C8orf34: variants seen among roughly 807,000 people sequenced by gnomAD.
C8orf34 encodes chromosome 8 open reading frame 34, also known as uncharacterized protein C8orf34.
Under a neutral mutation model 68.3 loss-of-function variants are expected in C8orf34, and 65 were observed. That is an observed-to-expected ratio of 0.95 (90% CI 0.78 to 1.17). The LOEUF (loss-of-function observed/expected upper bound fraction) is 1.17. C8orf34 is among the 50% of genes most tolerant of loss of function. The pLI is 0.00. For synonymous variants in C8orf34, 244 were observed against 241.2 expected (o/e 1.01, Z -0.11); for missense variants, 664 against 655.4 (o/e 1.01, Z -0.14).
chr8:68,792,725 T>G (rs1824046542), intron 12 of C8orf34, among the ~76,000 whole-genome samples: 1 of 151,672 alleles, frequency 6.6e-6, no homozygotes, highest in South Asian at 2.1e-4. Flanking sequence ...TTACTGAAAT[T>G]AAAAACTTAA....
intron 1 of C8orf34, among the ~76,000 whole-genome samples, chr8:68,382,271 C>CAT (rs1808075590): frequency 1.3e-5 from 2 of 152,152 alleles, no homozygotes; most frequent in South Asian, 4.1e-4. Context: ...AGACATTTCA[C>CAT]ATATATTGCC....
At chr8:68,765,523 T>A (rs890712243) in intron 10 of C8orf34, among the ~76,000 whole-genome samples, 9 of 152,366 alleles carry the variant, frequency 5.9e-5, no homozygotes, top group Admixed American at 5.9e-4. Context: ...CCAGAGTTAG[T>A]AATCATAATA....
chr8:68,551,791 C>T (rs73268444), intron 7 of C8orf34, among the ~76,000 whole-genome samples: 30,704 of 151,968 alleles, frequency 0.2, 4,122 homozygotes, highest in African/African-American at 0.38. Flanking sequence ...TCTGCCCCAC[C>T]TTAGCTAAGT....
At chr8:68,627,173 A>G (rs16934793) in intron 7 of C8orf34, among the ~76,000 whole-genome samples, 2,758 of 152,154 alleles carry the variant, frequency 0.018, 81 homozygotes, top group African/African-American at 0.064. Context: ...CCTAGGTACC[A>G]TCCTTGCCTT....
intron 9 of C8orf34, among the ~76,000 whole-genome samples, chr8:68,709,380 C>T (rs1052171463): frequency 1.3e-5 from 2 of 152,172 alleles, no homozygotes; most frequent in African/African-American, 4.8e-5. Flanking sequence ...TCAAACTTGT[C>T]TTTAGAAACC....
At chr8:68,581,342 T>C (rs1817058197) in intron 7 of C8orf34, among the ~76,000 whole-genome samples, 1 of 152,096 alleles carries the variant, frequency 6.6e-6, no homozygotes, top group Non-Finnish European at 1.5e-5. Context: ...TCCTTTCTTC[T>C]GGGTACTGGG....
At chr8:68,542,109 C>T (rs573788011) in intron 7 of C8orf34, among the ~76,000 whole-genome samples, 2 of 152,300 alleles carry the variant, frequency 1.3e-5, no homozygotes, top group East Asian at 1.9e-4. Flanking sequence ...TAGTCATAGA[C>T]ACTCTGGGGT....
chr8:68,617,923 A>G (rs1818274441), intron 7 of C8orf34, among the ~76,000 whole-genome samples: 1 of 152,162 alleles, frequency 6.6e-6, no homozygotes, highest in African/African-American at 2.4e-5. Flanking sequence ...CAGGTACACC[A>G]ATCAGATGTA....
chr8:68,691,440 G>T (rs1404770046), intron 8 of C8orf34, among the ~76,000 whole-genome samples: 1 of 151,980 alleles, frequency 6.6e-6, no homozygotes, highest in Admixed American at 6.6e-5. Flanking sequence ...CCTTTATTGT[G>T]ATTTTCGTTT....
At chr8:68,715,510 G>T (rs530512220) in intron 9 of C8orf34, among the ~76,000 whole-genome samples, 3 of 152,084 alleles carry the variant, frequency 2.0e-5, no homozygotes, top group African/African-American at 7.2e-5. Context: ...TGGCCAAAAA[G>T]CATATGGAAA....
At chr8:68,603,550 T>TATC (rs1253261577) in intron 7 of C8orf34, among the ~76,000 whole-genome samples, 1 of 151,348 alleles carries the variant, frequency 6.6e-6, no homozygotes, top group Non-Finnish European at 1.5e-5. Context: ...TCTATCTATC[T>TATC]ATCTATCTAT....
chr8:68,400,925 T>C (rs575380718), intron 1 of C8orf34, among the ~76,000 whole-genome samples: 13 of 152,178 alleles, frequency 8.5e-5, no homozygotes, highest in African/African-American at 3.1e-4. Flanking sequence ...ATGATGTTGG[T>C]GTTTTCATAG....
chr8:68,589,257 A>G (rs1817296152), intron 7 of C8orf34, among the ~76,000 whole-genome samples: 2 of 152,150 alleles, frequency 1.3e-5, no homozygotes, highest in South Asian at 4.1e-4. Context: ...TCATTCAGCT[A>G]TTCCTTTCTT....
chr8:68,796,724 T>C (rs1824186597), intron 12 of C8orf34, among the ~76,000 whole-genome samples: 1 of 152,130 alleles, frequency 6.6e-6, no homozygotes, highest in Admixed American at 6.5e-5. Flanking sequence ...GAGACTCTTC[T>C]AAAATATTTA....
At chr8:68,747,270 C>G (rs1028229799) in intron 10 of C8orf34, among the ~76,000 whole-genome samples, 6 of 150,986 alleles carry the variant, frequency 4.0e-5, no homozygotes, top group Non-Finnish European at 7.4e-5. Flanking sequence ...AAATCCACAG[C>G]CAATATCATA....
rs545258846 is a variant in C8orf34 at position 68,578,642 on chromosome 8, C to CTATATATATATATATATATATATATA, written c.1105+45508_1105+45509insATATATATATATATATATATATATAT. ...TCTATAGTTCATTGCAGATTAAATA[C>CTATATATATATATATATATATATATA]TATATATATATATATTTCAATATTG... On this transcript the variant is annotated intron_variant, in intron 7 of 13. Coordinates refer to ENST00000518698, the MANE Select transcript of C8orf34 (RefSeq NM_052958.4). Among the ~76,000 whole-genome samples, 235 of 148,666 alleles carry CTATATATATATATATATATATATATA rather than the reference C, an allele frequency of 1.6e-3. 2 individuals carry two copies. The highest frequency in any genetic ancestry group is 5.6e-3 in the African/African-American group (223 of 39,574).
intron 5 of C8orf34, among the ~76,000 whole-genome samples, chr8:68,501,047 A>T (rs1318675694): frequency 6.6e-6 from 1 of 152,142 alleles, no homozygotes; most frequent in Non-Finnish European, 1.5e-5. Context: ...CCTCCAATGC[A>T]TCAATTCACT....
At chr8:68,384,413 T>C (rs1208689183) in intron 1 of C8orf34, among the ~76,000 whole-genome samples, 1 of 152,230 alleles carries the variant, frequency 6.6e-6, no homozygotes, top group Non-Finnish European at 1.5e-5. Flanking sequence ...CTGTTTGATA[T>C]ATATGGCGCT....
At chr8:68,724,517 A>G (rs535422432) in intron 10 of C8orf34, among the ~76,000 whole-genome samples, 1 of 152,270 alleles carries the variant, frequency 6.6e-6, no homozygotes, top group Admixed American at 6.5e-5. Context: ...ATATTTCTTG[A>G]ATATTTTGTG....
Sources: allele counts gnomAD v4.1 joint callset (sites outside exome capture counted in the v4.1 genomes callset), GRCh38; gene constraint gnomAD v4.1.1; transcripts MANE v1.5; gene names NCBI Gene and HGNC (gene_info 2026-07-23, HGNC 2026-07-21).